RBFOX1: variants seen among roughly 807,000 people sequenced by gnomAD.
The protein encoded by RBFOX1 is RNA binding fox-1 homolog 1, also known as RNA binding protein fox-1 homolog 1.
In RBFOX1, 8 loss-of-function variants were observed where a neutral mutation model predicts 57.7. The ratio of observed to expected loss-of-function variants is 0.14; its 90% CI spans 0.08 to 0.25. The LOEUF (loss-of-function observed/expected upper bound fraction) is 0.25. Ranked by LOEUF, RBFOX1 falls within the 10% of genes least tolerant of loss-of-function variation. RBFOX1 has a pLI of 1.00. For synonymous variants in RBFOX1, 326 were observed against 222.4 expected (o/e 1.47, Z -4.15); for missense variants, 611 against 548.5 (o/e 1.11, Z -1.14).
intron 4 of RBFOX1, among the ~76,000 whole-genome samples, chr16:7,156,992 T>C (rs1210311502): frequency 2.0e-5 from 3 of 152,196 alleles, no homozygotes; most frequent in Non-Finnish European, 2.9e-5. Flanking sequence ...ATAACAAACA[T>C]ACATCCTCTG....
At chr16:7,296,177 T>A (rs898689958) in intron 4 of RBFOX1, among the ~76,000 whole-genome samples, 2 of 151,792 alleles carry the variant, frequency 1.3e-5, no homozygotes, top group African/African-American at 4.8e-5. Flanking sequence ...ATGAGAAAAT[T>A]AAGGGCAATT....
At chr16:5,758,842 G>T (rs530418089) in intron 3 of RBFOX1, among the ~76,000 whole-genome samples, 9 of 152,146 alleles carry the variant, frequency 5.9e-5, no homozygotes, top group African/African-American at 1.9e-4. Context: ...CAGGAAAAAG[G>T]TTTGTTAATG....
At chr16:6,079,842 A>G (rs2095972896) in intron 1 of RBFOX1, among the ~76,000 whole-genome samples, 1 of 152,150 alleles carries the variant, frequency 6.6e-6, no homozygotes, top group Non-Finnish European at 1.5e-5. Context: ...TCTCAAGCAA[A>G]AAAGAAAAAG....
intron 4 of RBFOX1, among the ~76,000 whole-genome samples, chr16:7,112,818 T>A (rs768406860): frequency 1.4e-4 from 21 of 152,102 alleles, no homozygotes; most frequent in Non-Finnish European, 2.5e-4. Flanking sequence ...GTTCTAGGCC[T>A]CTGTTTTATG....
chr16:6,986,665 C>T (rs951599583), intron 3 of RBFOX1, among the ~76,000 whole-genome samples: 3 of 152,098 alleles, frequency 2.0e-5, no homozygotes, highest in South Asian at 4.1e-4. Context: ...TTTTCCTTCC[C>T]TTCCTCTCCC....
At chr16:6,606,523 T>G (rs1792972476) in intron 2 of RBFOX1, among the ~76,000 whole-genome samples, 1 of 152,030 alleles carries the variant, frequency 6.6e-6, no homozygotes, top group African/African-American at 2.4e-5. Context: ...CCCTCCTCCT[T>G]CCCCTCTACG....
intron 1 of RBFOX1, among the ~76,000 whole-genome samples, chr16:5,326,350 A>AT (rs1190312323): frequency 6.6e-6 from 1 of 152,238 alleles, no homozygotes. Context: ...CTCAAAGGTC[A>AT]TGTGAGCACC....
intron 2 of RBFOX1, among the ~76,000 whole-genome samples, chr16:5,501,728 T>G (rs1388172247): frequency 6.6e-6 from 1 of 152,090 alleles, no homozygotes; most frequent in Non-Finnish European, 1.5e-5. Flanking sequence ...CTATTATTAT[T>G]TTAGAGACAA....
chr16:6,479,802 C>A (rs772723821), intron 2 of RBFOX1, among the ~76,000 whole-genome samples: 1 of 151,512 alleles, frequency 6.6e-6, no homozygotes, highest in South Asian at 2.1e-4. Context: ...GTAATCCCAG[C>A]ACTTTGGGAG....
At chr16:5,289,585 T>C (rs2063485138) in intron 1 of RBFOX1, among the ~76,000 whole-genome samples, 1 of 152,244 alleles carries the variant, frequency 6.6e-6, no homozygotes, top group Admixed American at 6.5e-5. Flanking sequence ...TGTTTTACTT[T>C]TTAAAACGTG....
At chr16:7,359,735 A>G (rs1336661312) in intron 4 of RBFOX1, among the ~76,000 whole-genome samples, 1 of 152,222 alleles carries the variant, frequency 6.6e-6, no homozygotes, top group South Asian at 2.1e-4. Context: ...CTGTAATCCC[A>G]GCACTTTGGG....
chr16:6,796,974 C>T (rs560665287), intron 3 of RBFOX1, among the ~76,000 whole-genome samples: 1 of 152,114 alleles, frequency 6.6e-6, no homozygotes, highest in African/African-American at 2.4e-5. Flanking sequence ...CAGGGCATTC[C>T]TTAGTGGGAA....
intron 4 of RBFOX1, among the ~76,000 whole-genome samples, chr16:5,971,631 C>T (rs982884264): frequency 6.6e-6 from 1 of 152,122 alleles, no homozygotes; most frequent in African/African-American, 2.4e-5. Context: ...AGCCAGAGTT[C>T]CCTTAGCAGT....
intron 2 of RBFOX1, among the ~76,000 whole-genome samples, chr16:6,580,261 C>G (rs1297638586): frequency 6.6e-6 from 1 of 152,180 alleles, no homozygotes; most frequent in Non-Finnish European, 1.5e-5. Context: ...CCGGCCAGGC[C>G]TGTTCATCTT....
chr16:6,070,078 T>C (rs1454105988), intron 1 of RBFOX1, among the ~76,000 whole-genome samples: 1 of 152,230 alleles, frequency 6.6e-6, no homozygotes, highest in East Asian at 1.9e-4. Flanking sequence ...AATGGTTTTG[T>C]TTTTCTTTAA....
chr16:5,326,760 A>G lies in RBFOX1; in HGVS notation c.219+86655A>G, dbSNP rs189556137. On this transcript the variant is annotated intron_variant, in intron 1 of 2. Coordinates refer to the RBFOX1 transcript ENST00000585867. ...GCCTTGATGATGATGATGTCTGGCA[A>G]TGAATGGAGGAGGGAACATATCAGA... is the stretch of plus-strand genomic sequence containing the variant. Among the ~76,000 whole-genome samples, 165 of 152,328 alleles carry G rather than the reference A, an allele frequency of 1.1e-3. 1 individual carries two copies. Among genetic ancestry groups the G allele is most frequent in the Non-Finnish European group, 2.1e-3 (142 of 68,026 alleles).
intron 13 of RBFOX1, 34 bp downstream of exon 13, chr16:7,665,002 T>A (rs772730695): frequency 8.7e-6 from 14 of 1,613,928 alleles, no homozygotes; most frequent in Non-Finnish European, 1.2e-5. Context: ...CCATCCCCGT[T>A]TCCTCCTGGA....
chr16:7,136,117 A>T (rs17645749), intron 4 of RBFOX1, among the ~76,000 whole-genome samples: 14,809 of 152,192 alleles, frequency 0.097, 862 homozygotes, highest in Middle Eastern at 0.16. Context: ...AAAGGAAGAG[A>T]TTGGCTGGAA....
chr16:7,692,854 T>C (rs1181744814), intron 14 of RBFOX1, among the ~76,000 whole-genome samples: 1 of 151,700 alleles, frequency 6.6e-6, no homozygotes, highest in Admixed American at 6.6e-5. Flanking sequence ...CATCACCATA[T>C]AAAATTGTCT....
Sources: allele counts gnomAD v4.1 joint callset (sites outside exome capture counted in the v4.1 genomes callset), GRCh38; gene constraint gnomAD v4.1.1; transcripts MANE v1.5; gene names NCBI Gene and HGNC (gene_info 2026-07-23, HGNC 2026-07-21).